Variants in SNTG2 observed in about 807,000 individuals in gnomAD.
The protein encoded by SNTG2 is syntrophin gamma 2.
A neutral mutation model predicts 70.9 loss-of-function variants in SNTG2; 74 were observed. The observed-to-expected ratio is 1.04, with a 90% CI of 0.86 to 1.27. The LOEUF is 1.27. Among genes scored for constraint, SNTG2 ranks in the 50% most tolerant of loss-of-function variants. The probability of loss-of-function intolerance (pLI) is 0.00; values close to 1 mark genes in which losing one functional copy is unlikely to be tolerated. For missense variants in SNTG2, 717 were observed against 690.7 expected, an observed-to-expected ratio of 1.04 and a Z score of -0.43; for synonymous variants, 278 against 273.8, an observed-to-expected ratio of 1.02 and a Z score of -0.15.
chr2:1,358,945 C>A (rs1660999675), intron 16 of SNTG2, among the ~76,000 whole-genome samples: 1 of 151,976 alleles, frequency 6.6e-6, no homozygotes, highest in South Asian at 2.1e-4. Flanking sequence ...AACTCTGCTC[C>A]TATTGTTGTG....
chr2:1,268,453 G>A (rs1678864006), intron 14 of SNTG2, among the ~76,000 whole-genome samples: 1 of 152,134 alleles, frequency 6.6e-6, no homozygotes, highest in Non-Finnish European at 1.5e-5. Flanking sequence ...TGTAACTAAT[G>A]CACACTGAGA....
intron 1 of SNTG2, among the ~76,000 whole-genome samples, chr2:970,307 G>T (rs1209678636): frequency 6.6e-6 from 1 of 151,842 alleles, no homozygotes; most frequent in Non-Finnish European, 1.5e-5. Flanking sequence ...TAGGGTACAT[G>T]TGCACAATGT....
intron 1 of SNTG2, among the ~76,000 whole-genome samples, chr2:993,577 T>C (rs1375445013): frequency 3.9e-5 from 6 of 152,210 alleles, no homozygotes. Context: ...TCAAAACTCC[T>C]AAAATCAGTA....
chr2:990,660 C>A (rs1244096673), intron 1 of SNTG2, among the ~76,000 whole-genome samples: 1 of 152,164 alleles, frequency 6.6e-6, no homozygotes. Flanking sequence ...CATAACAACA[C>A]TTAATTATAA....
intron 8 of SNTG2, among the ~76,000 whole-genome samples, chr2:1,205,863 T>G (rs1673602241): frequency 6.6e-6 from 1 of 152,150 alleles, no homozygotes; most frequent in South Asian, 2.1e-4. Context: ...GCCGTGTGAG[T>G]TGGTTGGTCA....
At chr2:1,277,874 C>T (rs1679332712) in intron 14 of SNTG2, among the ~76,000 whole-genome samples, 1 of 152,190 alleles carries the variant, frequency 6.6e-6, no homozygotes, top group Non-Finnish European at 1.5e-5. Context: ...CATGGAGATC[C>T]CACCGGAAGT....
intron 9 of SNTG2, among the ~76,000 whole-genome samples, chr2:1,211,063 A>G (rs1674007716): frequency 6.6e-6 from 1 of 152,238 alleles, no homozygotes; most frequent in African/African-American, 2.4e-5. Context: ...GCTGAAATAT[A>G]GATAGATTAC....
At chr2:1,290,900 T>C (rs562671864) in intron 14 of SNTG2, among the ~76,000 whole-genome samples, 1 of 152,338 alleles carries the variant, frequency 6.6e-6, no homozygotes, top group African/African-American at 2.4e-5. Context: ...AATTTTTAAA[T>C]TATAAGGAGT....
At chr2:1,091,571 G>T (rs945692071) in intron 2 of SNTG2, among the ~76,000 whole-genome samples, 3 of 152,266 alleles carry the variant, frequency 2.0e-5, no homozygotes, top group South Asian at 4.1e-4. Context: ...CCCGCATCAG[G>T]TTAGGGCTAC....
rs1675869193 is a variant in SNTG2, at chr2:1,227,470, T to G, written c.720-10418T>G. On this transcript the variant is annotated intron_variant, in intron 9 of 16. Transcript: ENST00000308624. ...TCCGGAAGTGGAGGAGCCGCCCATG[T>G]GACTCTAATCAACAGCATTGTTGGT... Among the ~76,000 whole-genome samples, 4 of 152,252 alleles carry G rather than the reference T, an allele frequency of 2.6e-5. No homozygotes were observed. The South Asian group carries it at 8.3e-4, about 31-fold the overall frequency.
intron 14 of SNTG2, among the ~76,000 whole-genome samples, chr2:1,284,507 A>G (rs1679689738): frequency 6.6e-6 from 1 of 152,186 alleles, no homozygotes; most frequent in Admixed American, 6.5e-5. Flanking sequence ...CACCCCTCGA[A>G]AAACTTACAA....
chr2:1,169,363 C>T (rs543484580), intron 7 of SNTG2, among the ~76,000 whole-genome samples: 3 of 152,222 alleles, frequency 2.0e-5, no homozygotes, highest in African/African-American at 7.2e-5. Context: ...GGCAAGGTGA[C>T]TTCACAGGCC....
At position 1,070,284 on chromosome 2, in the gene SNTG2, A is replaced by G. The variant is rs145264834; in HGVS notation, c.73-13234A>G. ...TGACAGGTAGATGTGGGACATTGCA[A>G]TTGATGACATTGCAGCTCTTCAGCA... On this transcript the variant is annotated intron_variant, in intron 1 of 16. Transcript: ENST00000308624. Among the ~76,000 whole-genome samples the G allele has an allele frequency of 5.0e-4, 76 of 152,068 alleles. 1 individual carries two copies. The highest frequency in any genetic ancestry group is 6.9e-3 in the Middle Eastern group (2 of 288).
At chr2:977,102 G>T (rs1660930334) in intron 1 of SNTG2, among the ~76,000 whole-genome samples, 2 of 152,198 alleles carry the variant, frequency 1.3e-5, no homozygotes, top group South Asian at 4.1e-4. Flanking sequence ...AGGTGATCCA[G>T]GAAGCCGCAG....
intron 8 of SNTG2, among the ~76,000 whole-genome samples, chr2:1,178,421 A>G (rs1671628003): frequency 6.6e-6 from 1 of 152,252 alleles, no homozygotes; most frequent in South Asian, 2.1e-4. Context: ...CCCATTCAGT[A>G]TGATATTGGC....
At chr2:1,323,651 T>C (rs1467322149) in intron 16 of SNTG2, among the ~76,000 whole-genome samples, 1 of 148,780 alleles carries the variant, frequency 6.7e-6, no homozygotes, top group African/African-American at 2.5e-5. Flanking sequence ...CCCAGTAGAC[T>C]GGGACAAGAC....
At chr2:1,235,106 T>C (rs535661849) in intron 9 of SNTG2, among the ~76,000 whole-genome samples, 313 of 151,852 alleles carry the variant, frequency 2.1e-3, no homozygotes, top group African/African-American at 7.1e-3. Flanking sequence ...GGGGGACCCC[T>C]GCCCCCATGC....
At position 1,144,199 on chromosome 2, in the gene SNTG2, A is replaced by AT. The variant is rs1172800498; in HGVS notation, c.411+6390_411+6391insT. ...GGGAAAGGATCTGGAGAAACATAGA[A>AT]CCTGGTTTCTCTTTCTGCTTTGAGA... On this transcript the variant is annotated intron_variant, in intron 6 of 16. Coordinates refer to ENST00000308624, the MANE Select transcript of SNTG2 (RefSeq NM_018968.4). Among the ~76,000 whole-genome samples, 3 of 152,114 alleles carry AT rather than the reference A, an allele frequency of 2.0e-5. No individual in the cohort carries two copies. In the East Asian group the frequency reaches 5.8e-4, roughly 29 times the overall value.
intron 1 of SNTG2, among the ~76,000 whole-genome samples, chr2:976,174 T>A (rs1007814661): frequency 4.6e-5 from 7 of 152,236 alleles, no homozygotes; most frequent in Non-Finnish European, 1.0e-4. Flanking sequence ...ATCAACAGAA[T>A]AATTAGAAGC....
Sources: allele counts gnomAD v4.1 joint callset (sites outside exome capture counted in the v4.1 genomes callset), GRCh38; gene constraint gnomAD v4.1.1; transcripts MANE v1.5; gene names NCBI Gene and HGNC (gene_info 2026-07-23, HGNC 2026-07-21).